The following ME3 variants were observed in gnomAD, a reference collection of about 807,000 sequenced individuals.
ME3 encodes the protein NADP-dependent malic enzyme, mitochondrial.
Under a neutral mutation model 68.9 loss-of-function variants are expected in ME3, and 48 were observed. The observed-to-expected ratio is 0.70, with a 90% CI of 0.55 to 0.89. The LOEUF is 0.89. ME3 is among the 40% of genes least tolerant of loss of function. The probability of loss-of-function intolerance (pLI) is 0.00; values close to 1 mark genes in which losing one functional copy is unlikely to be tolerated. For synonymous variants in ME3, 320 were observed against 318.8 expected, an observed-to-expected ratio of 1.00 and a Z score of -0.04; for missense variants, 675 against 797.4, an observed-to-expected ratio of 0.85 and a Z score of 1.85.
intron 4 of ME3, among the ~76,000 whole-genome samples, chr11:86,519,339 A>G (rs1245860479): frequency 6.6e-6 from 1 of 152,252 alleles, no homozygotes; most frequent in East Asian, 1.9e-4. Flanking sequence ...CGAGAGAGAA[A>G]GAAAAACAAA....
At chr11:86,548,040 G>T (rs1402497409) in intron 4 of ME3, among the ~76,000 whole-genome samples, 2 of 152,214 alleles carry the variant, frequency 1.3e-5, no homozygotes, top group Non-Finnish European at 2.9e-5. Context: ...GTCTGCATTT[G>T]TGGGGGCTGC....
At chr11:86,542,036 ACT>A (rs1456427295) in intron 4 of ME3, among the ~76,000 whole-genome samples, 3 of 152,192 alleles carry the variant, frequency 2.0e-5, no homozygotes, top group Non-Finnish European at 4.4e-5. Context: ...CCTCCAGCAA[ACT>A]CTAGCAGACC....
chr11:86,506,656 A>G (rs954627758), intron 5 of ME3, among the ~76,000 whole-genome samples: 16 of 152,246 alleles, frequency 1.1e-4, no homozygotes, highest in Non-Finnish European at 1.9e-4. Context: ...CTCCTGGCAC[A>G]GTATCTGTGA....
chr11:86,473,060 G>A (rs610476), intron 7 of ME3, among the ~76,000 whole-genome samples: 63,959 of 152,134 alleles, frequency 0.42, 13,696 homozygotes, highest in African/African-American at 0.46. Flanking sequence ...ATGGGATTGG[G>A]TGAGGGTTCT....
At chr11:86,671,891 G>A in exon 2 of ME3, 1 of 1,485,106 alleles carries the variant, frequency 6.7e-7, no homozygotes, top group Admixed American at 2.7e-5. Flanking sequence ...GGGCGCCGCA[G>A]GCCCGGCCCG....
rs527570899 is a variant in ME3 at position 86,529,151 on chromosome 11, G to T, written c.468-20284C>A. Among the ~76,000 whole-genome samples the T allele has an allele frequency of 9.4e-3, 1,423 of 152,008 alleles. 11 individuals carry two copies. The highest frequency in any genetic ancestry group is 0.016 in the Non-Finnish European group (1,084 of 67,938). On this transcript the variant is annotated intron_variant, in intron 4 of 14. Coordinates refer to ENST00000543262, the Ensembl canonical transcript of ME3. ...GAAAAGAGAGAAGAATCAAATAGAC[G>T]CAATAAAAAATGATAAAGGGGATAT...
intron 9 of ME3, 39 bp from the exon 10 acceptor site, chr11:86,450,041 A>G (rs1188573476): frequency 6.9e-7 from 1 of 1,447,480 alleles, no homozygotes; most frequent in East Asian, 2.3e-5. Flanking sequence ...GACACAGGGC[A>G]AACAGCTGCT....
At chr11:86,547,505 T>C (rs974911622) in intron 4 of ME3, among the ~76,000 whole-genome samples, 4 of 151,898 alleles carry the variant, frequency 2.6e-5, no homozygotes, top group Non-Finnish European at 5.9e-5. Flanking sequence ...GGGGGAGTGA[T>C]AGCATTAGGA....
At chr11:86,657,098 C>T (rs1945941262) in intron 2 of ME3, among the ~76,000 whole-genome samples, 1 of 152,154 alleles carries the variant, frequency 6.6e-6, no homozygotes, top group Non-Finnish European at 1.5e-5. Flanking sequence ...TACCGTTTGA[C>T]CCAGCAATCC....
At chr11:86,586,667 C>G (rs1958754882) in intron 2 of ME3, among the ~76,000 whole-genome samples, 1 of 152,156 alleles carries the variant, frequency 6.6e-6, no homozygotes, top group African/African-American at 2.4e-5. Flanking sequence ...AATGGCCCAA[C>G]TCTTCAAATA....
intron 4 of ME3, among the ~76,000 whole-genome samples, chr11:86,551,163 A>G (rs1253036619): frequency 6.6e-6 from 1 of 152,130 alleles, no homozygotes; most frequent in Admixed American, 6.5e-5. Flanking sequence ...GAGATGAAAA[A>G]GTAATACCCC....
At chr11:86,570,161 G>A (rs1388825710) in intron 2 of ME3, among the ~76,000 whole-genome samples, 1 of 152,168 alleles carries the variant, frequency 6.6e-6, no homozygotes, top group Non-Finnish European at 1.5e-5. Context: ...CAGACACCGT[G>A]TAACAGTAAA....
intron 4 of ME3, among the ~76,000 whole-genome samples, chr11:86,520,244 T>C (rs1351260712): frequency 6.6e-6 from 1 of 152,158 alleles, no homozygotes; most frequent in Non-Finnish European, 1.5e-5. Context: ...CATCTGTCCA[T>C]GTGACTCCAT....
intron 2 of ME3, among the ~76,000 whole-genome samples, chr11:86,635,032 C>T (rs933980509): frequency 2.0e-5 from 3 of 152,172 alleles, no homozygotes; most frequent in Admixed American, 6.5e-5. Context: ...AGGCTAGACA[C>T]GCTGGTTCAC....
At chr11:86,474,361 C>T (rs1950946603) in intron 7 of ME3, among the ~76,000 whole-genome samples, 1 of 152,218 alleles carries the variant, frequency 6.6e-6, no homozygotes, top group Admixed American at 6.5e-5. Flanking sequence ...GCTTGGCTTT[C>T]CTCCTGATTT....
intron 2 of ME3, among the ~76,000 whole-genome samples, chr11:86,662,943 T>C (rs553010841): frequency 2.0e-5 from 3 of 152,246 alleles, no homozygotes; most frequent in African/African-American, 7.2e-5. Context: ...GCCTCATAAC[T>C]CAGAAGCTAT....
At chr11:86,660,126 C>T (rs1027783439) in intron 2 of ME3, among the ~76,000 whole-genome samples, 1 of 152,188 alleles carries the variant, frequency 6.6e-6, no homozygotes, top group Non-Finnish European at 1.5e-5. Flanking sequence ...AAGCTCTATC[C>T]AGTACTGGGA....
chr11:86,607,637 T>C (rs1421230954), intron 2 of ME3, among the ~76,000 whole-genome samples: 3 of 151,402 alleles, frequency 2.0e-5, no homozygotes, highest in African/African-American at 7.3e-5. Flanking sequence ...CTTTGATAGA[T>C]GGTTTTTGTT....
At chr11:86,501,879 G>C (rs1952748760) in intron 5 of ME3, among the ~76,000 whole-genome samples, 1 of 152,126 alleles carries the variant, frequency 6.6e-6, no homozygotes, top group Non-Finnish European at 1.5e-5. Flanking sequence ...CTTCACTTGA[G>C]CCACTGCACT....
Sources: gnomAD v4.1 joint callset for allele counts (sites outside exome capture counted in the v4.1 genomes callset) on GRCh38, gnomAD v4.1.1 for gene constraint, MANE v1.5 for transcripts, NCBI Gene and HGNC (gene_info 2026-07-23, HGNC 2026-07-21) for gene names.